DIAPH3: variants seen among roughly 807,000 people sequenced by gnomAD.
DIAPH3 encodes diaphanous related formin 3, also known as protein diaphanous homolog 3.
Under a neutral mutation model 144.3 loss-of-function variants are expected in DIAPH3, and 117 were observed. The observed-to-expected ratio is 0.81, with a 90% CI of 0.70 to 0.95. The LOEUF (loss-of-function observed/expected upper bound fraction) is 0.95. Ranked by LOEUF, DIAPH3 falls within the 40% of genes least tolerant of loss-of-function variation. The pLI is 0.00. For synonymous variants in DIAPH3, 519 were observed against 488.9 expected (o/e 1.06, Z -0.81); for missense variants, 1,421 against 1,412.7 (o/e 1.01, Z -0.09).
At chr13:60,063,764 T>C (rs1261212034) in intron 4 of DIAPH3, among the ~76,000 whole-genome samples, 1 of 151,932 alleles carries the variant, frequency 6.6e-6, no homozygotes, top group Non-Finnish European at 1.5e-5. Flanking sequence ...CTGTCTCTAC[T>C]AAAAAATACA....
At chr13:59,947,390 C>A (rs989481938) in intron 17 of DIAPH3, among the ~76,000 whole-genome samples, 4 of 152,178 alleles carry the variant, frequency 2.6e-5, no homozygotes, top group Admixed American at 6.6e-5. Flanking sequence ...ATTCTCTTAA[C>A]GCTTTCCTAT....
At chr13:59,943,419 C>T (rs577190130) in intron 17 of DIAPH3, among the ~76,000 whole-genome samples, 9 of 152,216 alleles carry the variant, frequency 5.9e-5, no homozygotes, top group Admixed American at 5.2e-4. Flanking sequence ...CACACAGGAC[C>T]AAGAAAGCCC....
At chr13:60,140,243 A>G (rs2059396971) in intron 1 of DIAPH3, among the ~76,000 whole-genome samples, 1 of 152,242 alleles carries the variant, frequency 6.6e-6, no homozygotes, top group Non-Finnish European at 1.5e-5. Context: ...ATCACCATAA[A>G]GGAAATTTGG....
intron 17 of DIAPH3, among the ~76,000 whole-genome samples, chr13:59,957,606 G>GT (rs2049487121): frequency 1.3e-5 from 2 of 152,084 alleles, no homozygotes; most frequent in South Asian, 4.1e-4. Context: ...ACAAACTGCC[G>GT]TTTTTCTTGC....
At chr13:60,111,670 A>G (rs537677402) in intron 3 of DIAPH3, among the ~76,000 whole-genome samples, 7 of 152,186 alleles carry the variant, frequency 4.6e-5, no homozygotes, top group Admixed American at 3.9e-4. Flanking sequence ...CCACCCCCCA[A>G]ACGCTCATGG....
At chr13:59,736,235 G>C (rs1431893320) in intron 27 of DIAPH3, among the ~76,000 whole-genome samples, 1 of 152,178 alleles carries the variant, frequency 6.6e-6, no homozygotes, top group Non-Finnish European at 1.5e-5. Flanking sequence ...TATTGTGAAA[G>C]AGTGCTGCAA....
chr13:59,854,648 G>C (rs1205191293), intron 22 of DIAPH3, among the ~76,000 whole-genome samples: 1 of 152,086 alleles, frequency 6.6e-6, no homozygotes, highest in African/African-American at 2.4e-5. Flanking sequence ...GCAAAACTAA[G>C]GTGCAGTAAA....
intron 24 of DIAPH3, among the ~76,000 whole-genome samples, chr13:59,813,142 A>T (rs567806180): frequency 7.1e-6 from 1 of 140,016 alleles, no homozygotes; most frequent in South Asian, 2.3e-4. Flanking sequence ...GCAGAAACCT[A>T]AAAAAAAAAA....
At chr13:60,140,152 T>C (rs1279691782) in intron 1 of DIAPH3, among the ~76,000 whole-genome samples, 1 of 152,206 alleles carries the variant, frequency 6.6e-6, no homozygotes, top group African/African-American at 2.4e-5. Flanking sequence ...AACACAAATT[T>C]AGATTGGATG....
intron 1 of DIAPH3, among the ~76,000 whole-genome samples, chr13:60,154,659 G>A (rs896500783): frequency 1.3e-5 from 2 of 152,094 alleles, no homozygotes; most frequent in African/African-American, 4.8e-5. Flanking sequence ...CCAATGGTAA[G>A]GTATTTCAAT....
At chr13:59,739,505 C>G (rs1566244491) in intron 27 of DIAPH3, among the ~76,000 whole-genome samples, 2 of 152,082 alleles carry the variant, frequency 1.3e-5, no homozygotes, top group Non-Finnish European at 2.9e-5. Context: ...ATCAGAAGTA[C>G]AATGGTCACT....
chr13:59,895,686 G>C (rs778464047), intron 20 of DIAPH3, among the ~76,000 whole-genome samples: 16 of 152,170 alleles, frequency 1.1e-4, no homozygotes, highest in Non-Finnish European at 2.1e-4. Context: ...AGTTGATTCT[G>C]AGTATCTCAG....
chr13:59,782,405 C>T (rs867992680), intron 25 of DIAPH3, among the ~76,000 whole-genome samples: 1 of 152,038 alleles, frequency 6.6e-6, no homozygotes, highest in African/African-American at 2.4e-5. Flanking sequence ...ATAAGGAACA[C>T]ATAAATATCA....
chr13:59,670,330 C>A (rs1290104917), intron 27 of DIAPH3, among the ~76,000 whole-genome samples: 1 of 152,146 alleles, frequency 6.6e-6, no homozygotes, highest in African/African-American at 2.4e-5. Context: ...ATGTTTATAG[C>A]TTTCTTAGAA....
At chr13:59,729,570 CTTGA>C (rs2035779046) in intron 27 of DIAPH3, among the ~76,000 whole-genome samples, 1 of 151,872 alleles carries the variant, frequency 6.6e-6, no homozygotes, top group African/African-American at 2.4e-5. Flanking sequence ...AAATCTGTAT[CTTGA>C]TTGTGATGTT....
At chr13:60,152,924 A>G (rs1055177074) in intron 1 of DIAPH3, among the ~76,000 whole-genome samples, 1 of 152,148 alleles carries the variant, frequency 6.6e-6, no homozygotes, top group African/African-American at 2.4e-5. Context: ...AACTCAAGTC[A>G]TCTCTGGGTA....
chr13:59,954,438 T>G (rs1274812719), intron 17 of DIAPH3, among the ~76,000 whole-genome samples: 1 of 152,152 alleles, frequency 6.6e-6, no homozygotes, highest in Admixed American at 6.6e-5. Flanking sequence ...TTTGGGTTAT[T>G]ATGGTTGTAG....
chr13:59,849,916 C>T (rs2042865649), intron 22 of DIAPH3, among the ~76,000 whole-genome samples: 1 of 146,570 alleles, frequency 6.8e-6, no homozygotes, highest in Non-Finnish European at 1.5e-5. Context: ...GGCAGTATGG[C>T]CATTTTCACG....
At chr13:60,034,098 C>T (rs1421693296) in intron 5 of DIAPH3, among the ~76,000 whole-genome samples, 1 of 152,164 alleles carries the variant, frequency 6.6e-6, no homozygotes, top group Admixed American at 6.5e-5. Flanking sequence ...TATACTGATT[C>T]TTTGTATGTA....
Sources: gnomAD v4.1 joint callset for allele counts (sites outside exome capture counted in the v4.1 genomes callset) on GRCh38, gnomAD v4.1.1 for gene constraint, MANE v1.5 for transcripts, NCBI Gene and HGNC (gene_info 2026-07-23, HGNC 2026-07-21) for gene names.